The following MRM2 variants were observed in gnomAD, a reference collection of about 807,000 sequenced individuals.
MRM2 encodes the protein mitochondrial rRNA methyltransferase 2, also known as rRNA methyltransferase 2, mitochondrial.
In MRM2, 15 loss-of-function variants were observed where a neutral mutation model predicts 10.9. The observed-to-expected ratio is 1.37, with a 90% CI of 0.92 to 2.11. The LOEUF (loss-of-function observed/expected upper bound fraction) is 2.11, where lower values mean the gene tolerates loss of function less well. Among genes scored for constraint, MRM2 ranks in the 30% most tolerant of loss-of-function variants. The pLI is 0.00. For synonymous variants in MRM2, 139 were observed against 128.7 expected, an observed-to-expected ratio of 1.08 and a Z score of -0.54; for missense variants, 328 against 321.3, an observed-to-expected ratio of 1.02 and a Z score of -0.16.
rs1253516969 is a variant in MRM2, at chr7:2,242,154, C to G, written c.8+8G>C. 4 of 1,584,196 alleles carry G rather than the reference C, an allele frequency of 2.5e-6. No homozygotes were observed. Among genetic ancestry groups the G allele is most frequent in the East Asian group, 2.3e-5 (1 of 42,612 alleles). On this transcript the variant is annotated splice_region_variant and intron_variant, in intron 1 of 2. Transcript: ENST00000242257. ...TGTCTGCACGCGCAGCAGCAGCGCC[C>G]AGCTCACCCCGCCATTGGTGTTCCC...
intron 2 of MRM2, among the ~76,000 whole-genome samples, chr7:2,237,699 T>A (rs889577907): frequency 6.6e-6 from 1 of 152,020 alleles, no homozygotes; most frequent in Non-Finnish European, 1.5e-5. Context: ...TCGAGGATGC[T>A]GGGAGGCAGA....
chr7:2,239,198 C>T (rs755343469), intron 2 of MRM2: 4 of 783,870 alleles, frequency 5.1e-6, no homozygotes, highest in African/African-American at 5.1e-5. Flanking sequence ...CGGTCTCATG[C>T]GAGGTGATTT....
At chr7:2,239,772 G>A (rs1794488966) in intron 1 of MRM2, 65 bp from the exon 2 acceptor site, 1 of 1,448,080 alleles carries the variant, frequency 6.9e-7, no homozygotes, top group Non-Finnish European at 9.5e-7. Context: ...TGAGCTGGGA[G>A]GGCCCTCGGA....
In MRM2 at chr7:2,235,236, T is replaced by C. The variant is rs1301590134; in HGVS notation, c.627A>G (p.Thr209=). The change falls in exon 3 of 3, where the codon ACA becomes ACG. Residue 209 remains threonine (T), a synonymous_variant. Coordinates refer to ENST00000242257, the MANE Select transcript of MRM2 (RefSeq NM_013393.3). ...SQSRRLQRRL[T]EEFQNVRIIK... The stretch of plus-strand genomic sequence containing the variant: ...TGATCCTTACATTCTGGAATTCCTC[T>C]GTCAGTCTCCTCTGTAACCGACGGC... 1.9e-6 allele frequency: 3 copies of C among 1,613,666 alleles called. No homozygotes were observed. Among genetic ancestry groups the C allele is most frequent in the Non-Finnish European group, 2.5e-6 (3 of 1,179,634 alleles).
At chr7:2,240,052 G>A (rs1196239799) in intron 1 of MRM2, among the ~76,000 whole-genome samples, 2 of 152,198 alleles carry the variant, frequency 1.3e-5, no homozygotes, top group Admixed American at 6.5e-5. Flanking sequence ...ATGAAACCCC[G>A]TCTCTACTAA....
chr7:2,241,999 A>G (rs1390103354), intron 1 of MRM2, 163 bp downstream of exon 1: 2 of 683,688 alleles, frequency 2.9e-6, no homozygotes, highest in South Asian at 2.3e-5. Context: ...CTCCCGGGGA[A>G]CTGCGACCCG....
Position 2,235,546 on chromosome 7 carries a change from C to G in MRM2, c.317G>C (p.Gly106Ala). Reference protein sequence around the residue: ...AAGTDPSSPVGFVLGVDLLHI... With the variant: ...AAGTDPSSPVAFVLGVDLLHI... The stretch of plus-strand genomic sequence containing the variant: ...AAGAAGATCTACCCCAAGCACGAAG[C>G]CAACAGGAGAGCTGGGATCTATGGA... Residue 106 changes from glycine to alanine, a missense_variant, in exon 3 of 3, where the codon GGC (glycine) becomes GCC (alanine). Gly to Ala is a moderately conservative substitution (Grantham distance 60, BLOSUM62 0). Coordinates refer to ENST00000242257, the MANE Select transcript of MRM2 (RefSeq NM_013393.3). The G allele has an allele frequency of 6.2e-7, 1 of 1,610,158 alleles. No homozygotes were observed. Among genetic ancestry groups the G allele is most frequent in the Non-Finnish European group, 8.5e-7 (1 of 1,177,568 alleles).
chr7:2,242,039 C>T, intron 1 of MRM2, 123 bp downstream of exon 1: 4 of 1,082,524 alleles, frequency 3.7e-6, no homozygotes, highest in Non-Finnish European at 5.2e-6. Context: ...GTCGCGCTCG[C>T]TGAGTGCGGG....
At position 2,234,752 on chromosome 7, in the gene MRM2, T is replaced by A. The variant is rs1353080467; in HGVS notation, c.*370A>T. On this transcript the variant is annotated 3_prime_UTR_variant, in exon 3 of 3. Transcript: ENST00000242257. Reference sequence around the variant, plus strand: ...GAAAGCCTGTTTGTGTGTGACAGTTTAACAGTCTATAAGATGAAGTCCCGT... The same window carrying A: ...GAAAGCCTGTTTGTGTGTGACAGTTAAACAGTCTATAAGATGAAGTCCCGT... The A allele has an allele frequency of 2.3e-5, 6 of 256,640 alleles. No homozygotes were observed. Among genetic ancestry groups the A allele is most frequent in the Non-Finnish European group, 4.5e-5 (6 of 132,956 alleles). 15.9% of individuals were successfully genotyped at this position (256,640 alleles called of 1,614,324 possible).
At chr7:2,236,122 C>T (rs1026843220) in intron 2 of MRM2, among the ~76,000 whole-genome samples, 21 of 152,026 alleles carry the variant, frequency 1.4e-4, no homozygotes, top group South Asian at 2.1e-4. Context: ...CCCAGCTACT[C>T]GGGAGGCTAA....
At position 2,242,176 on chromosome 7, in the gene MRM2, T is replaced by A; in HGVS notation, c.-7A>T. On this transcript the variant is annotated 5_prime_UTR_variant, in exon 1 of 3. Transcript: ENST00000242257. ...GCCCAGCTCACCCCGCCATTGGTGTTCCCCGCGCCTGCAGCGCGCCGCCGG... is the reference window on the plus strand; with the variant it reads ...GCCCAGCTCACCCCGCCATTGGTGTACCCCGCGCCTGCAGCGCGCCGCCGG... 2.5e-6 allele frequency: 4 copies of A among 1,584,490 alleles called. No individual in the cohort carries two copies. The highest frequency in any genetic ancestry group is 2.6e-6 in the Non-Finnish European group (3 of 1,170,448).
At chr7:2,241,851 G>T in intron 1 of MRM2, 1 of 388,786 alleles carries the variant, frequency 2.6e-6, no homozygotes, top group East Asian at 4.2e-5. Context: ...CGGCCCAGAA[G>T]CGAAATCCCG....
chr7:2,242,203 A>C lies in MRM2; in HGVS notation c.-34T>G, dbSNP rs1265654292. Reference sequence around the variant, plus strand: ...CCCGCGCCTGCAGCGCGCCGCCGGAAGTGCCTGGCCTCACTTCCGGTCAGA... The same window carrying C: ...CCCGCGCCTGCAGCGCGCCGCCGGACGTGCCTGGCCTCACTTCCGGTCAGA... On this transcript the variant is annotated 5_prime_UTR_variant, in exon 1 of 3. Transcript: ENST00000242257. 2 of 1,567,706 alleles carry C rather than the reference A, an allele frequency of 1.3e-6. No individual in the cohort carries two copies. The highest frequency in any genetic ancestry group is 8.6e-7 in the Non-Finnish European group (1 of 1,163,404).
rs1408176385 is a variant in MRM2, at chr7:2,242,165, G to A, written c.5C>T (p.Ala2Val). 5.0e-6 allele frequency: 8 copies of A among 1,588,530 alleles called. No homozygotes were observed. The highest frequency in any genetic ancestry group is 1.4e-5 in the African/African-American group (1 of 73,324). The change falls in exon 1 of 3, where the codon GCG (alanine) becomes GTG (valine). Residue 2 changes from alanine to valine, a missense_variant. Physicochemically the swap from Ala to Val is moderately conservative, Grantham distance 64. Transcript: ENST00000242257. The stretch of plus-strand genomic sequence containing the variant: ...GCAGCAGCAGCGCCCAGCTCACCCC[G>A]CCATTGGTGTTCCCCGCGCCTGCAG... M[A>V]GYLKLVCVSF...
In MRM2 at chr7:2,239,399, C is replaced by G. The variant is rs373690331; in HGVS notation, c.298+19G>C. On this transcript the variant is annotated intron_variant, in intron 2 of 2. Coordinates refer to ENST00000242257, the MANE Select transcript of MRM2 (RefSeq NM_013393.3). The stretch of plus-strand genomic sequence containing the variant: ...CCTCAGGGGAGCCAGAAGGTGCCAA[C>G]AGCAGTGCAGAGGCCCACCTGTGCC... 7 of 1,589,304 alleles carry G rather than the reference C, an allele frequency of 4.4e-6. No homozygotes were observed. The highest frequency in any genetic ancestry group is 6.0e-6 in the Non-Finnish European group (7 of 1,167,374).
At chr7:2,241,046 G>C (rs1028983578) in intron 1 of MRM2, among the ~76,000 whole-genome samples, 3 of 151,658 alleles carry the variant, frequency 2.0e-5, no homozygotes, top group African/African-American at 7.3e-5. Flanking sequence ...CTATTACCCA[G>C]GCTGGAGTGC....
intron 1 of MRM2, among the ~76,000 whole-genome samples, chr7:2,240,485 C>T (rs1355074557): frequency 1.3e-5 from 2 of 151,608 alleles, no homozygotes; most frequent in African/African-American, 2.4e-5. Context: ...AACGCAGATT[C>T]GAACTCCTGG....
At position 2,235,112 on chromosome 7, in the gene MRM2, C is replaced by T. The variant is rs778411934; in HGVS notation, c.*10G>A. ...GCTAATGACCATTATGAAAATGGCA[C>T]AAGAAATCCTCACTGCTTCACAGTG... On this transcript the variant is annotated 3_prime_UTR_variant, in exon 3 of 3. Coordinates refer to ENST00000242257, the MANE Select transcript of MRM2 (RefSeq NM_013393.3). 6.2e-7 allele frequency: 1 copy of T among 1,603,390 alleles called. No homozygotes were observed. The highest frequency in any genetic ancestry group is 8.5e-7 in the Non-Finnish European group (1 of 1,171,462).
rs1164194420 is a variant in MRM2 at position 2,234,210 on chromosome 7, C to CA, written c.*911dup. ...AGCATGAAAGTACCTTAAAATAATG[C>CA]AATCTCTATTATTTTATTAAATATA... On this transcript the variant is annotated 3_prime_UTR_variant, in exon 3 of 3. Coordinates refer to ENST00000242257, the MANE Select transcript of MRM2 (RefSeq NM_013393.3). 2 of 152,108 alleles carry CA rather than the reference C, an allele frequency of 1.3e-5. No individual in the cohort carries two copies. Among genetic ancestry groups the CA allele is most frequent in the Non-Finnish European group, 2.9e-5 (2 of 68,036 alleles). 9.4% of individuals were successfully genotyped at this position (152,108 alleles called of 1,614,324 possible). A position where few individuals can be genotyped will look rare whatever the true frequency, so the allele number is the denominator to read the frequency against.
Sources: gnomAD v4.1 joint callset for allele counts (sites outside exome capture counted in the v4.1 genomes callset) on GRCh38, gnomAD v4.1.1 for gene constraint, MANE v1.5 for transcripts, NCBI Gene and HGNC (gene_info 2026-07-23, HGNC 2026-07-21) for gene names.